OXTR: variants seen among roughly 807,000 people sequenced by gnomAD.
OXTR encodes the protein oxytocin receptor.
A neutral mutation model predicts 23.9 loss-of-function variants in OXTR; 19 were observed. The observed-to-expected ratio is 0.80, with a 90% confidence interval of 0.56 to 1.17. The LOEUF (loss-of-function observed/expected upper bound fraction) is 1.17, where lower values mean the gene tolerates loss of function less well. Ranked by LOEUF, OXTR falls within the 50% of genes most tolerant of loss-of-function variation. OXTR has a pLI of 0.00. For missense variants in OXTR, 500 were observed against 550.7 expected, an observed-to-expected ratio of 0.91 and a Z score of 0.92; for synonymous variants, 278 against 250.5, an observed-to-expected ratio of 1.11 and a Z score of -1.04.
chr3:8,755,386 AGACACTGTTTTGCCTAGTTG>A (rs1708350867), intron 3 of OXTR, among the ~76,000 whole-genome samples: 1 of 152,278 alleles, frequency 6.6e-6, no homozygotes, highest in African/African-American at 2.4e-5. Flanking sequence ...GTTCACAGAA[AGACACTGTTTTGCCTAGTTG>A]GATACAGTTA....
chr3:8,750,821 C>G lies in OXTR; in HGVS notation c.*2156G>C, dbSNP rs1294888038. 1 of 152,196 alleles carries G rather than the reference C, an allele frequency of 6.6e-6. No homozygotes were observed. Among genetic ancestry groups the G allele is most frequent in the African/African-American group, 2.4e-5 (1 of 41,442 alleles). The allele number at this position is 152,196 out of a possible 1,614,324, so 9.4% of individuals were successfully genotyped here. On this transcript the variant is annotated 3_prime_UTR_variant, in exon 4 of 4. Coordinates refer to ENST00000316793, the MANE Select transcript of OXTR (RefSeq NM_000916.4). ...GGTTGTTTCCACTTTTTGGCTATTA[C>G]AAATAATGTTGCTATGAACATTGGT...
chr3:8,762,769 G>T (rs990325876), intron 3 of OXTR, among the ~76,000 whole-genome samples: 1 of 152,262 alleles, frequency 6.6e-6, no homozygotes, highest in African/African-American at 2.4e-5. Flanking sequence ...TCCTGTGCCT[G>T]TCAGCCTTCC....
downstream of OXTR, chr3:8,746,178 C>T (rs1708159595): frequency 7.1e-6 from 2 of 279,886 alleles, no homozygotes; most frequent in Admixed American, 4.6e-5. Context: ...AACCAGCACG[C>T]GGTTCCCACC....
rs376480209 is a variant in OXTR, at chr3:8,767,507, G to C, written c.681C>G (p.Ile227Met). Residue 227 changes from isoleucine to methionine, a missense_variant, in exon 3 of 4, where the codon ATC becomes ATG. Coordinates refer to ENST00000316793, the MANE Select transcript of OXTR (RefSeq NM_000916.4). Reference sequence around the variant, plus strand: ...CGGTCTTGAGCCGCAAGTTCTGCCAGATCTTGAAGCTGATAAGGCCGTAGC... The same window carrying C: ...CGGTCTTGAGCCGCAAGTTCTGCCACATCTTGAAGCTGATAAGGCCGTAGC... ...AACYGLISFK[I>M]WQNLRLKTAA... 2.5e-5 allele frequency: 40 copies of C among 1,612,028 alleles called. No homozygotes were observed. Among genetic ancestry groups the C allele is most frequent in the Non-Finnish European group, 2.9e-5 (34 of 1,179,284 alleles).
chr3:8,764,189 C>T (rs1392203550), intron 3 of OXTR, among the ~76,000 whole-genome samples: 1 of 143,624 alleles, frequency 7.0e-6, no homozygotes, highest in African/African-American at 2.9e-5. Context: ...ACATTCCCCA[C>T]CCACTCTGGC....
At chr3:8,745,441 A>C, downstream of OXTR, 1 of 1,036,920 alleles carries the variant, frequency 9.6e-7, no homozygotes, top group Non-Finnish European at 1.5e-6. The surrounding 1 kb of genome is among the most constrained non-coding windows in gnomAD (Gnocchi z 4.8). Context: ...CCTCTAGGGG[A>C]TTCTGACACA....
At chr3:8,745,591 G>A, downstream of OXTR, 2 of 1,614,130 alleles carry the variant, frequency 1.2e-6, no homozygotes, top group South Asian at 1.1e-5. The surrounding 1 kb of genome is among the most constrained non-coding windows in gnomAD (Gnocchi z 4.8). Flanking sequence ...TGTGGAAGGT[G>A]AGCTACACCA....
downstream of OXTR, chr3:8,750,309 C>T (rs1708229970): frequency 6.6e-6 from 1 of 152,186 alleles, no homozygotes; most frequent in South Asian, 2.1e-4. Context: ...CCCTCTCAAG[C>T]AGTGAGCCAC....
chr3:8,763,066 T>A (rs1225669932), intron 3 of OXTR, among the ~76,000 whole-genome samples: 1 of 152,162 alleles, frequency 6.6e-6, no homozygotes, highest in Non-Finnish European at 1.5e-5. Flanking sequence ...AGCCCACACA[T>A]TGGACTTGGG....
downstream of OXTR, chr3:8,745,853 C>T (rs730880422): frequency 1.6e-5 from 26 of 1,611,818 alleles, no homozygotes; most frequent in East Asian, 4.5e-5. This position sits in a 1 kb window ranked among gnomAD's most constrained non-coding sequence, Gnocchi z 4.8. Flanking sequence ...GGTGGTGCTG[C>T]GGAAGGAGGT....
chr3:8,747,469 A>G (rs1005407366), downstream of OXTR, among the ~76,000 whole-genome samples: 3 of 152,110 alleles, frequency 2.0e-5, no homozygotes, highest in Non-Finnish European at 4.4e-5. Context: ...CCCTCTATCC[A>G]TCCCACCAAT....
chr3:8,758,385 C>G (rs769635208), intron 3 of OXTR, among the ~76,000 whole-genome samples: 8 of 152,122 alleles, frequency 5.3e-5, no homozygotes, highest in Admixed American at 3.9e-4. Context: ...TGGCCAAGAT[C>G]GGCTGAGTCA....
chr3:8,766,375 T>C (rs6767512), intron 3 of OXTR, among the ~76,000 whole-genome samples: 19,380 of 152,236 alleles, frequency 0.13, 1,619 homozygotes, highest in African/African-American at 0.24. Flanking sequence ...CGCCCTCTTC[T>C]ATGCCCTCCT....
chr3:8,757,851 T>C (rs551328667), intron 3 of OXTR, among the ~76,000 whole-genome samples: 10 of 152,190 alleles, frequency 6.6e-5, no homozygotes, highest in African/African-American at 2.2e-4. Flanking sequence ...CTGCCTCCCC[T>C]CCATGCCATG....
At chr3:8,763,325 A>G (rs1315915222) in intron 3 of OXTR, among the ~76,000 whole-genome samples, 3 of 152,130 alleles carry the variant, frequency 2.0e-5, no homozygotes, top group Non-Finnish European at 2.9e-5. Context: ...TCCTTATTAC[A>G]TGGAGGAGGA....
At chr3:8,766,266 G>C (rs553387250) in intron 3 of OXTR, among the ~76,000 whole-genome samples, 18 of 152,284 alleles carry the variant, frequency 1.2e-4, no homozygotes, top group African/African-American at 2.9e-4. Flanking sequence ...GTGACAGGAA[G>C]CTGCCTGGTG....
chr3:8,766,326 C>T (rs578090901), intron 3 of OXTR, among the ~76,000 whole-genome samples: 112 of 152,270 alleles, frequency 7.4e-4, no homozygotes, highest in African/African-American at 2.6e-3. Context: ...ACCCCAGAGC[C>T]CTAGGGTGCC....
At chr3:8,742,752 A>G in the OXTR span, 5 of 299,454 alleles carry the variant, frequency 1.7e-5, no homozygotes, top group East Asian at 9.1e-5. Flanking sequence ...GGATGGATGG[A>G]TGAAAGGATG....
chr3:8,741,837 C>A, the OXTR span, among the ~76,000 whole-genome samples: 1 of 152,194 alleles, frequency 6.6e-6, no homozygotes, highest in Non-Finnish European at 1.5e-5. Context: ...CCCGCCCTCT[C>A]AGAGACTGCG....
Sources: allele counts gnomAD v4.1 joint callset (sites outside exome capture counted in the v4.1 genomes callset), GRCh38; gene constraint gnomAD v4.1.1; non-coding constraint Gnocchi (gnomAD v3.1); transcripts MANE v1.5; gene names NCBI Gene and HGNC (gene_info 2026-07-23, HGNC 2026-07-21).